The following EFHC1 variants were observed in gnomAD, a reference collection of about 807,000 sequenced individuals.
EFHC1 encodes the protein EF-hand domain containing 1, also known as EF-hand domain-containing protein 1.
A neutral mutation model predicts 69.9 loss-of-function variants in EFHC1; 53 were observed. The ratio of observed to expected loss-of-function variants is 0.76; its 90% CI spans 0.61 to 0.95. The LOEUF (loss-of-function observed/expected upper bound fraction) is 0.95, where lower values mean the gene tolerates loss of function less well. Among genes scored for constraint, EFHC1 ranks in the 40% least tolerant of loss-of-function variants. EFHC1 has a pLI of 0.00. For missense variants in EFHC1, 739 were observed against 798.7 expected (o/e 0.93, Z 0.90); for synonymous variants, 256 against 278.4 (o/e 0.92, Z 0.80).
At chr6:52,449,200 A>G (rs200970878) in intron 3 of EFHC1, among the ~76,000 whole-genome samples, 1 of 152,020 alleles carries the variant, frequency 6.6e-6, no homozygotes, top group Non-Finnish European at 1.5e-5. Context: ...TGGCTAACAC[A>G]GTGAAACCCC....
At chr6:52,422,795 T>G (rs984771549) in intron 1 of EFHC1, among the ~76,000 whole-genome samples, 4 of 152,150 alleles carry the variant, frequency 2.6e-5, no homozygotes, top group African/African-American at 9.7e-5. Context: ...AATTTAGAAA[T>G]GTATAATACA....
intron 5 of EFHC1, among the ~76,000 whole-genome samples, chr6:52,458,905 T>C (rs963338430): frequency 2.6e-5 from 4 of 152,226 alleles, no homozygotes; most frequent in African/African-American, 4.8e-5. Context: ...ATGGTACATA[T>C]ACACCATGGA....
At chr6:52,440,402 C>T (rs536870258) in intron 3 of EFHC1, among the ~76,000 whole-genome samples, 1 of 152,170 alleles carries the variant, frequency 6.6e-6, no homozygotes, top group African/African-American at 2.4e-5. Flanking sequence ...AATAGCACTT[C>T]ATCACTAGGC....
intron 5 of EFHC1, among the ~76,000 whole-genome samples, chr6:52,460,249 T>G (rs1228655120): frequency 6.6e-6 from 1 of 152,202 alleles, no homozygotes; most frequent in Admixed American, 6.5e-5. Context: ...AATCTCAAAG[T>G]AACTATGCTA....
intron 2 of EFHC1, among the ~76,000 whole-genome samples, chr6:52,435,973 C>T (rs1171125640): frequency 6.6e-6 from 1 of 152,130 alleles, no homozygotes; most frequent in Non-Finnish European, 1.5e-5. Context: ...CAGTTCTGGC[C>T]CTAACCCCTT....
rs927165306 is a variant in EFHC1, at chr6:52,462,723, A to G, written c.917-2172A>G. 9.9e-5 allele frequency among the ~76,000 whole-genome samples: 15 copies of G among 152,120 alleles called. No individual in the cohort carries two copies. In the East Asian group the frequency reaches 2.9e-3, roughly 30 times the overall value. ...TAATGTGGTGTGAAACTCCATTTCT[A>G]CTAAAAATGCAAAAATTAGCCCAGC... is the stretch of plus-strand genomic sequence containing the variant. On this transcript the variant is annotated intron_variant, in intron 5 of 10. Transcript: ENST00000371068.
rs764274033 is a variant in EFHC1 at position 52,420,437 on chromosome 6, G to C, written c.27G>C (p.Leu9Phe). The stretch of plus-strand genomic sequence containing the variant: ...TGGTGTCCAATCCCGTGCATGGCTT[G>C]CCCTTTCTTCCGGGCACGTCCTTTA... The part of the protein sequence containing the change: MVSNPVHG[L>F]PFLPGTSFKD... The change falls in exon 1 of 11, where the codon TTG becomes TTC. Residue 9 changes from leucine (L) to phenylalanine (F), a missense_variant. Physicochemically the swap from Leu to Phe is conservative, Grantham distance 22. Coordinates refer to ENST00000371068, the MANE Select transcript of EFHC1 (RefSeq NM_018100.4). The C allele has an allele frequency of 1.2e-6, 2 of 1,614,234 alleles. No individual in the cohort carries two copies. Among genetic ancestry groups the C allele is most frequent in the East Asian group, 4.5e-5 (2 of 44,886 alleles).
chr6:52,474,450 C>A (rs150694157), intron 7 of EFHC1, among the ~76,000 whole-genome samples: 5 of 152,294 alleles, frequency 3.3e-5, no homozygotes, highest in African/African-American at 1.2e-4. Context: ...TAGGAACTCT[C>A]ATACTCTTTA....
In EFHC1 at chr6:52,495,594, G is replaced by C. The variant is rs939945181; in HGVS notation, c.*3253G>C. The stretch of plus-strand genomic sequence containing the variant: ...CTTTTGGCTGTTTTGTTTTGTTTTT[G>C]TGTTTGTTTTTTAGAGACAGGGTCT... On this transcript the variant is annotated 3_prime_UTR_variant, in exon 11 of 11. Coordinates refer to ENST00000371068, the MANE Select transcript of EFHC1 (RefSeq NM_018100.4). 1 of 453,930 alleles carries C rather than the reference G, an allele frequency of 2.2e-6. No homozygotes were observed. The highest frequency in any genetic ancestry group is 1.6e-5 in the South Asian group (1 of 64,466). The allele number at this position is 453,930 out of a possible 1,614,324, so 28.1% of individuals were successfully genotyped here.
chr6:52,472,904 G>C (rs1003830261), intron 7 of EFHC1, among the ~76,000 whole-genome samples: 6 of 151,982 alleles, frequency 3.9e-5, no homozygotes, highest in Admixed American at 1.3e-4. Flanking sequence ...AAATTAAGAA[G>C]ACCTAAATAA....
At chr6:52,450,784 T>C (rs1252447373) in intron 3 of EFHC1, among the ~76,000 whole-genome samples, 2 of 151,910 alleles carry the variant, frequency 1.3e-5, no homozygotes, top group Non-Finnish European at 2.9e-5. Flanking sequence ...TGTGGTTTTT[T>C]TGTTTGTTTG....
At chr6:52,422,607 T>G (rs1370817786) in intron 1 of EFHC1, among the ~76,000 whole-genome samples, 1 of 152,174 alleles carries the variant, frequency 6.6e-6, no homozygotes, top group Non-Finnish European at 1.5e-5. Flanking sequence ...ATAAAAATAT[T>G]TTTTATGATT....
rs1223123808 is a variant in EFHC1, at chr6:52,492,315, A to G, written c.1897A>G (p.Asn633Asp). 1.2e-6 allele frequency: 2 copies of G among 1,613,930 alleles called. No individual in the cohort carries two copies. Among genetic ancestry groups the G allele is most frequent in the African/African-American group, 2.7e-5 (2 of 74,906 alleles). Reference sequence around the variant, plus strand: ...TGGAGAAGGCAAAATTAACTACTATAACTTTGTTCGTGCTTTCTCAAACTG... The same window carrying G: ...TGGAGAAGGCAAAATTAACTACTATGACTTTGTTCGTGCTTTCTCAAACTG... ...SHGEGKINYY[N>D]FVRAFSN Residue 633 changes from asparagine to aspartate, a missense_variant, in exon 11 of 11, where the codon AAC becomes GAC. Physicochemically the swap from Asn to Asp is conservative, Grantham distance 23. Coordinates refer to ENST00000371068, the MANE Select transcript of EFHC1 (RefSeq NM_018100.4).
Position 52,494,955 on chromosome 6 carries a change from C to CT in EFHC1, c.*2615dup, listed in dbSNP as rs1562468803. 6.6e-6 allele frequency: 3 copies of CT among 453,848 alleles called. No individual in the cohort carries two copies. Among genetic ancestry groups the CT allele is most frequent in the Non-Finnish European group, 1.3e-5 (3 of 226,624 alleles). The allele number at this position is 453,848 out of a possible 1,614,324, so 28.1% of individuals were successfully genotyped here. ...AATCTAATCCACCATTGATTGGCACCTAGGTTGATTCCATGTCCTTTGCTC... is the reference window on the plus strand; with the variant it reads ...AATCTAATCCACCATTGATTGGCACCTTAGGTTGATTCCATGTCCTTTGCTC... On this transcript the variant is annotated 3_prime_UTR_variant, in exon 11 of 11. Coordinates refer to ENST00000371068, the MANE Select transcript of EFHC1 (RefSeq NM_018100.4).
In EFHC1 at chr6:52,495,319, A is replaced by G. The variant is rs1024416880; in HGVS notation, c.*2978A>G. 5.1e-5 allele frequency: 23 copies of G among 453,920 alleles called. No homozygotes were observed. The highest frequency in any genetic ancestry group is 1.0e-4 in the Non-Finnish European group (23 of 226,786). The allele number at this position is 453,920 out of a possible 1,614,324, so 28.1% of individuals were successfully genotyped here. On this transcript the variant is annotated 3_prime_UTR_variant, in exon 11 of 11. Coordinates refer to ENST00000371068, the MANE Select transcript of EFHC1 (RefSeq NM_018100.4). ...CACATGTCAAACCCTGAGTCTTTTAAAGTATACCCTCACTTAGCTTGCAGA... is the reference window on the plus strand; with the variant it reads ...CACATGTCAAACCCTGAGTCTTTTAGAGTATACCCTCACTTAGCTTGCAGA...
At chr6:52,492,180 T>C in intron 10 of EFHC1, 90 bp from the exon 11 acceptor site, 2 of 1,147,758 alleles carry the variant, frequency 1.7e-6, no homozygotes, top group South Asian at 2.5e-5. Context: ...TTACAAAGGC[T>C]CGGGATCATT....
intron 3 of EFHC1, among the ~76,000 whole-genome samples, chr6:52,448,324 C>T (rs1183320851): frequency 6.6e-6 from 1 of 152,230 alleles, no homozygotes; most frequent in Admixed American, 6.5e-5. Flanking sequence ...TCTCACGCTG[C>T]TGTGCTAGCA....
intron 3 of EFHC1, among the ~76,000 whole-genome samples, chr6:52,441,601 T>C (rs771795128): frequency 3.9e-5 from 6 of 152,068 alleles, no homozygotes; most frequent in Middle Eastern, 3.2e-3. Context: ...TTGGGTACCA[T>C]TGAATTTTAA....
At position 52,495,509 on chromosome 6, in the gene EFHC1, G is replaced by A. The variant is rs1766031994; in HGVS notation, c.*3168G>A. 2 of 453,998 alleles carry A rather than the reference G, an allele frequency of 4.4e-6. No individual in the cohort carries two copies. The highest frequency in any genetic ancestry group is 8.8e-6 in the Non-Finnish European group (2 of 226,806). 28.1% of individuals were successfully genotyped at this position (453,998 alleles called of 1,614,324 possible). ...ATATATTTGCCAATTTTTGTCCTCA[G>A]CTTTGGGTCTCAGCCAAAATGGAGA... On this transcript the variant is annotated 3_prime_UTR_variant, in exon 11 of 11. Transcript: ENST00000371068.
Sources: gnomAD v4.1 joint callset for allele counts (sites outside exome capture counted in the v4.1 genomes callset) on GRCh38, gnomAD v4.1.1 for gene constraint, MANE v1.5 for transcripts, NCBI Gene and HGNC (gene_info 2026-07-23, HGNC 2026-07-21) for gene names.